CSMD1: variants seen among roughly 807,000 people sequenced by gnomAD.
CSMD1 encodes the protein CUB and sushi domain-containing protein 1.
A neutral mutation model predicts 417.5 loss-of-function variants in CSMD1; 213 were observed. The ratio of observed to expected loss-of-function variants is 0.51; its 90% CI spans 0.46 to 0.57. The LOEUF (loss-of-function observed/expected upper bound fraction) is 0.57. CSMD1 is among the 20% of genes least tolerant of loss of function. The probability of loss-of-function intolerance (pLI) is 0.00; values close to 1 mark genes in which losing one functional copy is unlikely to be tolerated. For synonymous variants in CSMD1, 2,862 were observed against 1,736.8 expected (o/e 1.65, Z -16.11); for missense variants, 6,923 against 4,529.7 (o/e 1.53, Z -15.17).
intron 41 of CSMD1, among the ~76,000 whole-genome samples, chr8:3,141,816 G>A (rs1198419656): frequency 8.0e-6 from 1 of 125,128 alleles, no homozygotes; most frequent in Admixed American, 7.9e-5. Flanking sequence ...TTTTTTTTCT[G>A]AGATGGAGTC....
chr8:3,819,331 G>A (rs1457333522), intron 5 of CSMD1, among the ~76,000 whole-genome samples: 2 of 152,144 alleles, frequency 1.3e-5, no homozygotes, highest in African/African-American at 4.8e-5. Context: ...AGAGTGACAG[G>A]TAGGAGATTC....
chr8:4,133,951 C>G lies in CSMD1; in HGVS notation c.416-101852G>C, dbSNP rs141999006. Among the ~76,000 whole-genome samples, 654 of 152,216 alleles carry G rather than the reference C, an allele frequency of 4.3e-3. 6 individuals are homozygous for G. The highest frequency in any genetic ancestry group is 0.014 in the African/African-American group (602 of 41,532). On this transcript the variant is annotated intron_variant, in intron 3 of 69. Coordinates refer to ENST00000635120, the MANE Select transcript of CSMD1 (RefSeq NM_033225.6). ...AATCTTGATGTTTTCTTTTTCAGGT[C>G]ATGCAAACAAACATTTTTAAACTTC...
At chr8:3,981,394 G>C (rs369967339) in intron 5 of CSMD1, among the ~76,000 whole-genome samples, 4 of 149,530 alleles carry the variant, frequency 2.7e-5, no homozygotes, top group African/African-American at 9.8e-5. Flanking sequence ...ATGGTGCAGT[G>C]TATACTGCTT....
intron 33 of CSMD1, among the ~76,000 whole-genome samples, chr8:3,190,874 G>A (rs1015884688): frequency 6.6e-6 from 1 of 152,272 alleles, no homozygotes; most frequent in African/African-American, 2.4e-5. Context: ...ACAGAAGAAC[G>A]AATACCTTAT....
At chr8:3,966,751 ACACGCGCG>A (rs1273809804) in intron 5 of CSMD1, among the ~76,000 whole-genome samples, 5 of 101,622 alleles carry the variant, frequency 4.9e-5, no homozygotes, top group African/African-American at 1.6e-4. Context: ...ACACACACAC[ACACGCGCG>A]CGCGCGCACA....
rs139683907 is a variant in CSMD1, at chr8:4,569,702, T to C, written c.302+67640A>G. On this transcript the variant is annotated intron_variant, in intron 2 of 69. Coordinates refer to ENST00000635120, the MANE Select transcript of CSMD1 (RefSeq NM_033225.6). Reference sequence around the variant, plus strand: ...AAAGTCAATGGTAGCTTGATGGGAATAGCATTGAATCTATATATTACTTTG... The same window carrying C: ...AAAGTCAATGGTAGCTTGATGGGAACAGCATTGAATCTATATATTACTTTG... Among the ~76,000 whole-genome samples, 608 of 152,334 alleles carry C rather than the reference T, an allele frequency of 4.0e-3. 2 individuals carry two copies. Among genetic ancestry groups the C allele is most frequent in the Admixed American group, 6.0e-3 (92 of 15,300 alleles).
At chr8:3,787,085 G>A (rs1322338846) in intron 5 of CSMD1, among the ~76,000 whole-genome samples, 2 of 152,068 alleles carry the variant, frequency 1.3e-5, no homozygotes, top group African/African-American at 2.4e-5. Context: ...TTTACAGAGG[G>A]TTAAACCAAG....
chr8:3,752,676 C>CAAGAA (rs1491271733), intron 6 of CSMD1, among the ~76,000 whole-genome samples: 1 of 96,942 alleles, frequency 1.0e-5, no homozygotes, highest in Non-Finnish European at 1.9e-5. Flanking sequence ...CCCCGCCTGG[C>CAAGAA]AAAAAAAAAA....
chr8:3,551,405 G>A (rs1477316148), intron 10 of CSMD1, among the ~76,000 whole-genome samples: 1 of 151,912 alleles, frequency 6.6e-6, no homozygotes, highest in South Asian at 2.1e-4. Flanking sequence ...AAATGCTTTA[G>A]GTTGCAGTAA....
chr8:3,685,580 C>G (rs1048620724), intron 7 of CSMD1, among the ~76,000 whole-genome samples: 5 of 152,272 alleles, frequency 3.3e-5, no homozygotes, highest in Middle Eastern at 3.4e-3. Flanking sequence ...AGGAGTGAAG[C>G]ATCTGGCATC....
At chr8:3,826,798 T>C (rs1296638014) in intron 5 of CSMD1, among the ~76,000 whole-genome samples, 1 of 149,442 alleles carries the variant, frequency 6.7e-6, no homozygotes, top group Admixed American at 6.6e-5. Flanking sequence ...AATTTTAATA[T>C]TTTTTTGAGA....
chr8:4,232,193 T>G (rs771434734), intron 3 of CSMD1, among the ~76,000 whole-genome samples: 2 of 152,306 alleles, frequency 1.3e-5, no homozygotes, highest in Non-Finnish European at 2.9e-5. Flanking sequence ...GTCCTTTATT[T>G]ATTTGTTTTT....
intron 7 of CSMD1, among the ~76,000 whole-genome samples, chr8:3,667,314 A>C (rs980560062): frequency 2.0e-5 from 3 of 152,186 alleles, no homozygotes; most frequent in Non-Finnish European, 4.4e-5. Context: ...AAAGATAAAA[A>C]GAGAGTGAAG....
At chr8:4,770,341 T>C (rs1796537536) in intron 1 of CSMD1, among the ~76,000 whole-genome samples, 2 of 148,386 alleles carry the variant, frequency 1.3e-5, no homozygotes, top group South Asian at 2.1e-4. Flanking sequence ...GAAATATATA[T>C]ATAATATGTA....
At chr8:3,540,796 G>A (rs1477826668) in intron 10 of CSMD1, among the ~76,000 whole-genome samples, 1 of 152,026 alleles carries the variant, frequency 6.6e-6, no homozygotes, top group Non-Finnish European at 1.5e-5. Flanking sequence ...CAACATCACT[G>A]ATAAGTAAAG....
chr8:4,034,544 A>C (rs1482381518), intron 3 of CSMD1, among the ~76,000 whole-genome samples: 1 of 152,150 alleles, frequency 6.6e-6, no homozygotes, highest in Non-Finnish European at 1.5e-5. Context: ...AAGGAAGAAA[A>C]ACTTTCCATT....
Position 4,416,114 on chromosome 8 carries a change from G to A in CSMD1, c.415+3839C>T, listed in dbSNP as rs566080403. On this transcript the variant is annotated intron_variant, in intron 3 of 69. Coordinates refer to ENST00000635120, the MANE Select transcript of CSMD1 (RefSeq NM_033225.6). ...TGTTATGAAAAATTGTGTCCTATCTGTACAATTGCCTTACACTATGGAGAA... is the reference window on the plus strand; with the variant it reads ...TGTTATGAAAAATTGTGTCCTATCTATACAATTGCCTTACACTATGGAGAA... 9.9e-5 allele frequency among the ~76,000 whole-genome samples: 15 copies of A among 152,232 alleles called. No individual in the cohort carries two copies. The South Asian group carries it at 2.9e-3, about 29-fold the overall frequency.
intron 33 of CSMD1, among the ~76,000 whole-genome samples, chr8:3,190,348 G>C (rs1301694024): frequency 2.0e-5 from 3 of 151,956 alleles, no homozygotes; most frequent in Non-Finnish European, 4.4e-5. Flanking sequence ...GATTTGAGGA[G>C]CACGTTCCCA....
At chr8:4,940,677 T>C (rs4431614) in intron 1 of CSMD1, among the ~76,000 whole-genome samples, 76,182 of 151,830 alleles carry the variant, frequency 0.5, 20,289 homozygotes, top group East Asian at 0.79. Flanking sequence ...AACAAACCAA[T>C]ACCTTACAAG....
Sources: gnomAD v4.1 joint callset for allele counts (sites outside exome capture counted in the v4.1 genomes callset) on GRCh38, gnomAD v4.1.1 for gene constraint, MANE v1.5 for transcripts, NCBI Gene and HGNC (gene_info 2026-07-23, HGNC 2026-07-21) for gene names.